NEK1: variants seen among roughly 807,000 people sequenced by gnomAD.
NEK1 encodes the protein NIMA related kinase 1.
Under a neutral mutation model 182.1 loss-of-function variants are expected in NEK1, and 137 were observed. The observed-to-expected ratio is 0.75, with a 90% CI of 0.65 to 0.87. The LOEUF (loss-of-function observed/expected upper bound fraction) is 0.87, where lower values mean the gene tolerates loss of function less well. Among genes scored for constraint, NEK1 ranks in the 40% least tolerant of loss-of-function variants. NEK1 has a pLI of 0.00. For synonymous variants in NEK1, 513 were observed against 492.2 expected (o/e 1.04, Z -0.56); for missense variants, 1,391 against 1,494.4 (o/e 0.93, Z 1.14).
intron 2 of NEK1, among the ~76,000 whole-genome samples, chr4:169,607,704 C>T: frequency 6.6e-6 from 1 of 152,002 alleles, no homozygotes; most frequent in Non-Finnish European, 1.5e-5. Flanking sequence ...ACCTTGTGAT[C>T]CGCCCGCCTC....
At chr4:169,511,292 T>C (rs1754138862) in intron 19 of NEK1, among the ~76,000 whole-genome samples, 1 of 151,960 alleles carries the variant, frequency 6.6e-6, no homozygotes, top group Non-Finnish European at 1.5e-5. Context: ...GAGATATATA[T>C]AGGTCAAAGA....
At chr4:169,549,432 TTTTG>T (rs1215435205) in intron 18 of NEK1, among the ~76,000 whole-genome samples, 1 of 152,188 alleles carries the variant, frequency 6.6e-6, no homozygotes, top group Non-Finnish European at 1.5e-5. Flanking sequence ...CATCTTTTGT[TTTTG>T]TTTGAGACAG....
At chr4:169,608,640 A>G (rs976558178) in intron 2 of NEK1, among the ~76,000 whole-genome samples, 1 of 152,246 alleles carries the variant, frequency 6.6e-6, no homozygotes, top group African/African-American at 2.4e-5. Context: ...GTACATATTT[A>G]TAAGACCAAA....
chr4:169,497,085 T>A (rs535832721), intron 23 of NEK1, among the ~76,000 whole-genome samples: 1 of 152,336 alleles, frequency 6.6e-6, no homozygotes, highest in South Asian at 2.1e-4. Context: ...TTTCAGAGCC[T>A]GTTATTGGTC....
chr4:169,522,654 G>A (rs911665958), intron 19 of NEK1, among the ~76,000 whole-genome samples: 1 of 152,222 alleles, frequency 6.6e-6, no homozygotes, highest in Non-Finnish European at 1.5e-5. Context: ...GAGAATGGAA[G>A]TTGCTTCTCT....
rs577165880 is a variant in NEK1, at chr4:169,479,449, A to G, written c.2093T>C (p.Met698Thr). ...TGAAGTTACAGAAATAACAGATCTC[A>G]TCTGTTGCTTTGATGGAGAGCCACC... ...ETGGSPSKQQ[M>T]RSVISVTSAL... The change falls in exon 24 of 36, where the codon ATG (methionine) becomes ACG (threonine). Residue 698 changes from methionine (M) to threonine (T), a missense_variant. Transcript: ENST00000507142. The G allele has an allele frequency of 2.0e-4, 319 of 1,610,244 alleles. 3 individuals are homozygous for G. The South Asian group carries it at 3.2e-3, about 16-fold the overall frequency.
intron 5 of NEK1, among the ~76,000 whole-genome samples, chr4:169,595,939 A>G (rs1769398268): frequency 6.6e-6 from 1 of 151,298 alleles, no homozygotes; most frequent in Non-Finnish European, 1.5e-5. Flanking sequence ...AAAAAAAAAA[A>G]AAAAAGGAAA....
At chr4:169,580,148 T>C (rs1282751136) in intron 11 of NEK1, among the ~76,000 whole-genome samples, 1 of 152,162 alleles carries the variant, frequency 6.6e-6, no homozygotes, top group Non-Finnish European at 1.5e-5. Context: ...AATGAAGTGC[T>C]TGACTTTACA....
Position 169,508,832 on chromosome 4 carries a change from T to C in NEK1, c.1686A>G (p.Ala562=). 6.3e-7 allele frequency: 1 copy of C among 1,591,574 alleles called. No homozygotes were observed. Among genetic ancestry groups the C allele is most frequent in the Non-Finnish European group, 8.5e-7 (1 of 1,176,550 alleles). The change falls in exon 20 of 36, where the codon GCA becomes GCG. Residue 562 remains alanine, a synonymous_variant. Coordinates refer to ENST00000507142, the MANE Select transcript of NEK1 (RefSeq NM_001199397.3). Reference sequence around the variant, plus strand: ...AGCTGGGCCTGCCTCCATACATAGCTGCCAGGTTTTGCAGGATTCCCTGTT... The same window carrying C: ...AGCTGGGCCTGCCTCCATACATAGCCGCCAGGTTTTGCAGGATTCCCTGTT... ...EGHMGILQNL[A]AMYGGRPSSS...
At chr4:169,536,460 A>G (rs1758525140) in intron 19 of NEK1, among the ~76,000 whole-genome samples, 1 of 149,874 alleles carries the variant, frequency 6.7e-6, no homozygotes, top group African/African-American at 2.5e-5. Context: ...AGAGGTAAAA[A>G]GTTTCAACTA....
intron 31 of NEK1, among the ~76,000 whole-genome samples, chr4:169,413,658 C>G (rs1218224286): frequency 6.6e-6 from 1 of 152,220 alleles, no homozygotes; most frequent in African/African-American, 2.4e-5. Flanking sequence ...CCTTCAAAAT[C>G]TATACTGATC....
chr4:169,542,409 C>T (rs540035404), intron 18 of NEK1, among the ~76,000 whole-genome samples: 10 of 152,162 alleles, frequency 6.6e-5, no homozygotes, highest in Non-Finnish European at 1.5e-4. Context: ...TCCTGATGGG[C>T]ATTTGGGTTG....
Position 169,463,347 on chromosome 4 carries a change from C to G in NEK1, c.2483G>C (p.Arg828Thr), listed in dbSNP as rs1441789674. 1.2e-6 allele frequency: 2 copies of G among 1,610,374 alleles called. No homozygotes were observed. Among genetic ancestry groups the G allele is most frequent in the African/African-American group, 2.7e-5 (2 of 74,804 alleles). The change falls in exon 27 of 36, where the codon AGA becomes ACA. Residue 828 changes from arginine to threonine, a missense_variant. Physicochemically the swap from Arg to Thr is moderately conservative, Grantham distance 71. This residue lies in a region of NEK1 where 1,216 missense variants were observed against 1,277.6 expected (regional missense o/e 0.95). Coordinates refer to ENST00000507142, the MANE Select transcript of NEK1 (RefSeq NM_001199397.3). ...TGTCGGACTTTTCCCCCAGGCTCTT[C>G]TTGGAGATCCATTAGGACCTAATTT... ...VIKLGPNGSP[R>T]RAWGKSPTDS...
chr4:169,565,397 C>T (rs1763522096), intron 12 of NEK1, among the ~76,000 whole-genome samples: 1 of 152,162 alleles, frequency 6.6e-6, no homozygotes, highest in African/African-American at 2.4e-5. Flanking sequence ...TAATGGATAG[C>T]AACCCCTTGT....
chr4:169,590,348 A>ACAGACAGG (rs1254754867), intron 6 of NEK1, among the ~76,000 whole-genome samples: 2 of 151,718 alleles, frequency 1.3e-5, no homozygotes, highest in Admixed American at 6.6e-5. Flanking sequence ...AGACAGACAG[A>ACAGACAGG]CAGGCAAAAG....
chr4:169,570,419 C>T (rs1301816101), intron 12 of NEK1, among the ~76,000 whole-genome samples: 17 of 151,036 alleles, frequency 1.1e-4, no homozygotes, highest in African/African-American at 3.7e-4. Context: ...GGGGGTCAGC[C>T]CCCCACCAGG....
At chr4:169,489,442 T>G (rs1294230019) in intron 23 of NEK1, among the ~76,000 whole-genome samples, 1 of 152,146 alleles carries the variant, frequency 6.6e-6, no homozygotes, top group African/African-American at 2.4e-5. Flanking sequence ...CTTAAGAATG[T>G]CAGAGAATAG....
intron 27 of NEK1, among the ~76,000 whole-genome samples, chr4:169,460,205 A>G (rs1561227162): frequency 6.6e-6 from 1 of 152,110 alleles, no homozygotes; most frequent in Non-Finnish European, 1.5e-5. Flanking sequence ...TGATAAGGAC[A>G]TGCCTGAGGC....
At chr4:169,576,141 T>C (rs1265422116) in intron 12 of NEK1, among the ~76,000 whole-genome samples, 1 of 151,948 alleles carries the variant, frequency 6.6e-6, no homozygotes, top group Non-Finnish European at 1.5e-5. Context: ...ATTTTTGTAT[T>C]TTTAGTAGAG....
Sources: gnomAD v4.1 joint callset for allele counts (sites outside exome capture counted in the v4.1 genomes callset) on GRCh38, gnomAD v4.1.1 for gene constraint, gnomAD v4.1.1 regional missense constraint, MANE v1.5 for transcripts, NCBI Gene and HGNC (gene_info 2026-07-23, HGNC 2026-07-21) for gene names.